GYPE: variants seen among roughly 807,000 people sequenced by gnomAD.
GYPE encodes glycophorin-E.
GYPE carries 8 observed loss-of-function variants against 11.6 expected under a neutral mutation model. The observed-to-expected ratio is 0.69, with a 90% CI of 0.41 to 1.25. The LOEUF (loss-of-function observed/expected upper bound fraction) is 1.25, where lower values mean the gene tolerates loss of function less well. Among genes scored for constraint, GYPE ranks in the 50% most tolerant of loss-of-function variants. The pLI is 0.01. For synonymous variants in GYPE, 28 were observed against 29.6 expected (o/e 0.94, Z 0.18); for missense variants, 90 against 92.8 (o/e 0.97, Z 0.12).
intron 2 of GYPE, chr4:143,878,821 A>C (rs1353802530): frequency 2.7e-6 from 1 of 364,906 alleles, no homozygotes; most frequent in Non-Finnish European, 5.4e-6. Flanking sequence ...CTAGCTAGTA[A>C]AATTTATGAG....
chr4:143,882,489 C>T lies in GYPE; in HGVS notation c.38-1980G>A, dbSNP rs535347139. On this transcript the variant is annotated intron_variant, in intron 1 of 3. Transcript: ENST00000358615. ...ATTGTATTTTTGAAAAGGCATACAA[C>T]CTGAGTAAAATAGGTTTAGCTATGA... Among the ~76,000 whole-genome samples the T allele has an allele frequency of 2.6e-5, 4 of 152,128 alleles. No homozygotes were observed. The East Asian group carries it at 7.7e-4, about 29-fold the overall frequency.
chr4:143,890,083 T>C (rs1744345703), intron 1 of GYPE, among the ~76,000 whole-genome samples: 2 of 152,190 alleles, frequency 1.3e-5, no homozygotes, highest in Admixed American at 1.3e-4. Context: ...CTTCAGCAAA[T>C]CAGGGCTAAA....
At chr4:143,902,770 G>T (rs541877162) in intron 1 of GYPE, among the ~76,000 whole-genome samples, 2,164 of 152,170 alleles carry the variant, frequency 0.014, 56 homozygotes, top group African/African-American at 0.05. Flanking sequence ...TATCACACCA[G>T]TCCCTTTGTT....
chr4:143,871,334 A>G lies in GYPE; in HGVS notation c.*928T>C, dbSNP rs1429831633. The G allele has an allele frequency of 3.3e-5, 5 of 152,156 alleles. No individual in the cohort carries two copies. Among genetic ancestry groups the G allele is most frequent in the Non-Finnish European group, 5.9e-5 (4 of 68,040 alleles). 9.4% of individuals were successfully genotyped at this position (152,156 alleles called of 1,614,324 possible). On this transcript the variant is annotated 3_prime_UTR_variant, in exon 4 of 4. Transcript: ENST00000358615. ...TGGCATATAATATACAGGTAAGCCA[A>G]TGTTACAGGATGTTGTGGAACTATT...
rs867967924 is a variant in GYPE at position 143,876,785 on chromosome 4, C to T, written c.207G>A (p.Met69Ile). ...GAATACAGTAAGAAATTAAGATGAT[C>T]ATTCCAACAACAACAAGCATCACCT... ...IFEVMLVVVGMIILISYCIR is the reference protein window; with the variant it reads ...IFEVMLVVVGIIILISYCIR Residue 69 changes from methionine (M) to isoleucine (I), a missense_variant, in exon 3 of 4, where the codon ATG becomes ATA. Physicochemically the swap from Met to Ile is conservative, Grantham distance 10. Coordinates refer to ENST00000358615, the MANE Select transcript of GYPE (RefSeq NM_198682.3). The T allele has an allele frequency of 1.2e-6, 2 of 1,608,070 alleles. No individual in the cohort carries two copies. The highest frequency in any genetic ancestry group is 1.7e-6 in the Non-Finnish European group (2 of 1,175,262).
chr4:143,873,202 G>T (rs1292995117), intron 3 of GYPE, among the ~76,000 whole-genome samples: 1 of 152,034 alleles, frequency 6.6e-6, no homozygotes, highest in Non-Finnish European at 1.5e-5. Flanking sequence ...TTCAGAGATG[G>T]GGATACTTTA....
chr4:143,880,990 G>A (rs1010094626), intron 1 of GYPE, among the ~76,000 whole-genome samples: 41 of 152,120 alleles, frequency 2.7e-4, no homozygotes, highest in African/African-American at 7.7e-4. Context: ...AGGTGGAAGC[G>A]CATAATAATT....
At chr4:143,893,848 A>G (rs1482184973) in intron 1 of GYPE, among the ~76,000 whole-genome samples, 2 of 152,008 alleles carry the variant, frequency 1.3e-5, no homozygotes, top group Non-Finnish European at 2.9e-5. Context: ...CTGAATCTGA[A>G]TGTTGGCCTG....
chr4:143,901,163 T>C (rs1402233758), intron 1 of GYPE, among the ~76,000 whole-genome samples: 1 of 152,138 alleles, frequency 6.6e-6, no homozygotes, highest in Non-Finnish European at 1.5e-5. Context: ...TAACTGTTTA[T>C]AGAACTTTGT....
Position 143,905,518 on chromosome 4 carries a change from C to T in GYPE, c.-11G>A, listed in dbSNP as rs368795769. 6.5e-5 allele frequency: 105 copies of T among 1,612,974 alleles called. No homozygotes were observed. In the African/African-American group the frequency reaches 7.6e-4, roughly 12 times the overall value. Reference sequence around the variant, plus strand: ...TATTTTTCCATACATCCTGAGATCACGAGCTGGCTCCTGAAGTTAGTGCAA... The same window carrying T: ...TATTTTTCCATACATCCTGAGATCATGAGCTGGCTCCTGAAGTTAGTGCAA... On this transcript the variant is annotated 5_prime_UTR_variant, in exon 1 of 4. It adds an upstream start codon to the 5' untranslated region. Transcript: ENST00000358615.
intron 1 of GYPE, among the ~76,000 whole-genome samples, chr4:143,889,612 C>A (rs1744328366): frequency 6.6e-6 from 1 of 152,208 alleles, no homozygotes; most frequent in Non-Finnish European, 1.5e-5. Context: ...AGCAATTCTC[C>A]TGCCTCATTC....
rs116086567 is a variant in GYPE at position 143,882,802 on chromosome 4, T to C, written c.38-2293A>G. Among the ~76,000 whole-genome samples the C allele has an allele frequency of 6.9e-3, 1,044 of 152,338 alleles. 19 individuals are homozygous for C. The highest frequency in any genetic ancestry group is 0.024 in the African/African-American group (998 of 41,568). On this transcript the variant is annotated intron_variant, in intron 1 of 3. Transcript: ENST00000358615. ...CACTTACATTTAGGGTGCACATTTCTTATCCCTGTGGATACAAAATGGGCT... is the reference window on the plus strand; with the variant it reads ...CACTTACATTTAGGGTGCACATTTCCTATCCCTGTGGATACAAAATGGGCT...
intron 1 of GYPE, among the ~76,000 whole-genome samples, chr4:143,897,605 C>T (rs559034984): frequency 3.9e-4 from 59 of 152,248 alleles, no homozygotes; most frequent in South Asian, 1.7e-3. Flanking sequence ...TTGTAGTGCA[C>T]ATTAACAGTG....
chr4:143,878,718 C>T (rs765633964), intron 2 of GYPE: 25 of 476,000 alleles, frequency 5.3e-5, no homozygotes, highest in Admixed American at 2.4e-4. Flanking sequence ...ATAAGTAAGA[C>T]GTGCAAAGAA....
At chr4:143,901,422 G>GA (rs33971060) in intron 1 of GYPE, among the ~76,000 whole-genome samples, 33 of 151,814 alleles carry the variant, frequency 2.2e-4, no homozygotes, top group African/African-American at 8.0e-4. Flanking sequence ...TTTAAAATGA[G>GA]AAAAAAAAAA....
intron 1 of GYPE, among the ~76,000 whole-genome samples, chr4:143,893,539 G>A (rs1470080834): frequency 2.0e-5 from 3 of 151,980 alleles, no homozygotes; most frequent in Admixed American, 2.0e-4. Flanking sequence ...TTGCTTGTCT[G>A]TAAAGTATTT....
intron 1 of GYPE, among the ~76,000 whole-genome samples, chr4:143,899,601 G>T (rs1208212591): frequency 6.6e-6 from 1 of 151,850 alleles, no homozygotes; most frequent in Admixed American, 6.6e-5. Context: ...TAAAATCTGT[G>T]TGATTTTGCC....
At chr4:143,881,108 G>A (rs1744006158) in intron 1 of GYPE, among the ~76,000 whole-genome samples, 1 of 151,326 alleles carries the variant, frequency 6.6e-6, no homozygotes, top group Non-Finnish European at 1.5e-5. Flanking sequence ...TACATTGCAT[G>A]AACCCAGGAG....
chr4:143,878,035 C>T (rs1743877421), intron 2 of GYPE, among the ~76,000 whole-genome samples: 2 of 150,426 alleles, frequency 1.3e-5, no homozygotes, highest in Admixed American at 1.3e-4. Flanking sequence ...CTTTCAAGTA[C>T]TCAGGGTTGG....
Sources: allele counts gnomAD v4.1 joint callset (sites outside exome capture counted in the v4.1 genomes callset), GRCh38; gene constraint gnomAD v4.1.1; transcripts MANE v1.5; gene names NCBI Gene and HGNC (gene_info 2026-07-23, HGNC 2026-07-21).